EYS: variants seen among roughly 807,000 people sequenced by gnomAD.
EYS encodes protein eyes shut homolog.
A neutral mutation model predicts 282.1 loss-of-function variants in EYS; 250 were observed. The ratio of observed to expected loss-of-function variants is 0.89; its 90% CI spans 0.80 to 0.98. The LOEUF is 0.98. Among genes scored for constraint, EYS ranks in the 50% least tolerant of loss-of-function variants. The pLI is 0.00. For missense variants in EYS, 4,016 were observed against 3,709.0 expected (o/e 1.08, Z -2.15); for synonymous variants, 1,355 against 1,282.9 (o/e 1.06, Z -1.20).
intron 5 of EYS, among the ~76,000 whole-genome samples, chr6:65,473,703 C>T (rs1765298866): frequency 6.6e-6 from 1 of 151,666 alleles, no homozygotes; most frequent in African/African-American, 2.4e-5. Flanking sequence ...TTAGCTTCAG[C>T]AAAGTTAAAT....
intron 10 of EYS, among the ~76,000 whole-genome samples, chr6:65,340,565 C>T (rs552037804): frequency 6.6e-6 from 1 of 151,190 alleles, no homozygotes; most frequent in African/African-American, 2.4e-5. Flanking sequence ...ACAGTTTGCA[C>T]ATAAAGACTC....
At chr6:65,613,035 C>T (rs1419677464) in intron 2 of EYS, among the ~76,000 whole-genome samples, 2 of 151,712 alleles carry the variant, frequency 1.3e-5, no homozygotes, top group Admixed American at 6.6e-5. Flanking sequence ...TTTCTAACCA[C>T]CCCAGAAGTC....
chr6:64,766,649 A>AAAAAAAAAATAT (rs1387919586), intron 22 of EYS, among the ~76,000 whole-genome samples: 1 of 19,068 alleles, frequency 5.2e-5, no homozygotes, highest in African/African-American at 1.8e-4. Context: ...AAAAAAAAAA[A>AAAAAAAAAATAT]ATATATATAT....
At chr6:64,370,282 C>T (rs1054578171) in intron 29 of EYS, among the ~76,000 whole-genome samples, 6 of 151,828 alleles carry the variant, frequency 4.0e-5, no homozygotes, top group Non-Finnish European at 2.9e-5. Flanking sequence ...TTGTGATGTC[C>T]ATGTGGTTAT....
At chr6:65,646,287 G>A (rs969307055) in intron 1 of EYS, among the ~76,000 whole-genome samples, 3 of 151,952 alleles carry the variant, frequency 2.0e-5, no homozygotes, top group African/African-American at 4.8e-5. Flanking sequence ...CAAAATACTA[G>A]CTAATGAAAT....
intron 14 of EYS, among the ~76,000 whole-genome samples, chr6:64,971,972 G>A (rs1376590995): frequency 6.6e-6 from 1 of 151,988 alleles, no homozygotes; most frequent in Non-Finnish European, 1.5e-5. Flanking sequence ...GCCAATCCAG[G>A]AAATCATGAA....
chr6:64,404,421 G>A (rs541022150), intron 28 of EYS, among the ~76,000 whole-genome samples: 12 of 151,876 alleles, frequency 7.9e-5, no homozygotes, highest in East Asian at 3.9e-4. Flanking sequence ...GTGCACGCAC[G>A]CGTGTGAGCT....
chr6:65,445,262 A>T (rs750680122), intron 5 of EYS, among the ~76,000 whole-genome samples: 14 of 151,980 alleles, frequency 9.2e-5, no homozygotes, highest in South Asian at 4.1e-4. Flanking sequence ...GAAAATGATC[A>T]CTTTTATTAA....
chr6:65,262,258 A>T (rs759559489), intron 12 of EYS, among the ~76,000 whole-genome samples: 45 of 152,148 alleles, frequency 3.0e-4, no homozygotes, highest in Non-Finnish European at 5.3e-4. Context: ...GGTCATAATC[A>T]ATTTAATCAT....
intron 8 of EYS, among the ~76,000 whole-genome samples, chr6:65,381,166 C>T (rs925431191): frequency 7.2e-5 from 11 of 152,122 alleles, no homozygotes; most frequent in African/African-American, 2.2e-4. Flanking sequence ...AGCATGCACA[C>T]GTATGTTTAT....
chr6:64,085,885 T>C (rs1305916579), intron 31 of EYS, among the ~76,000 whole-genome samples: 1 of 152,240 alleles, frequency 6.6e-6, no homozygotes, highest in African/African-American at 2.4e-5. Flanking sequence ...CAAAGGTTAT[T>C]AAGGCCTTGT....
intron 2 of EYS, among the ~76,000 whole-genome samples, chr6:65,587,653 T>TA (rs761473385): frequency 4.6e-5 from 7 of 152,062 alleles, no homozygotes; most frequent in Admixed American, 2.0e-4. Context: ...AGAATGGACT[T>TA]ACACGAAAGG....
intron 12 of EYS, among the ~76,000 whole-genome samples, chr6:65,231,706 C>T (rs1485870914): frequency 6.6e-6 from 1 of 151,578 alleles, no homozygotes; most frequent in Non-Finnish European, 1.5e-5. Flanking sequence ...GATAGATATC[C>T]TCTTAGTGAA....
chr6:65,474,149 G>C (rs1310313100), intron 5 of EYS, among the ~76,000 whole-genome samples: 1 of 152,058 alleles, frequency 6.6e-6, no homozygotes, highest in South Asian at 2.1e-4. Flanking sequence ...TAGCAAAGCT[G>C]ATATAAGGTG....
At chr6:65,470,787 T>C (rs774440360) in intron 5 of EYS, among the ~76,000 whole-genome samples, 79 of 152,132 alleles carry the variant, frequency 5.2e-4, no homozygotes, top group Middle Eastern at 3.2e-3. Context: ...TTAAGTGTGA[T>C]ACCAAGAAGA....
At chr6:64,194,268 A>G (rs1317602514) in intron 31 of EYS, among the ~76,000 whole-genome samples, 1 of 145,114 alleles carries the variant, frequency 6.9e-6, no homozygotes, top group Non-Finnish European at 1.5e-5. Flanking sequence ...AGTCTTGTCT[A>G]TTCTGATATT....
intron 2 of EYS, among the ~76,000 whole-genome samples, chr6:65,502,607 A>T (rs2127278607): frequency 6.6e-6 from 1 of 151,630 alleles, no homozygotes; most frequent in African/African-American, 2.4e-5. Context: ...TTTTTACATT[A>T]TGTTCCCTTT....
At chr6:65,694,860 TTAA>T (rs1297132239) in intron 1 of EYS, among the ~76,000 whole-genome samples, 4 of 151,976 alleles carry the variant, frequency 2.6e-5, no homozygotes, top group African/African-American at 9.7e-5. Context: ...TTCAAAGTGT[TTAA>T]TAATCTCAAG....
chr6:65,555,427 C>T (rs79927953), intron 2 of EYS, among the ~76,000 whole-genome samples: 1 of 151,850 alleles, frequency 6.6e-6, no homozygotes, highest in Non-Finnish European at 1.5e-5. Flanking sequence ...TAGCCCTTTA[C>T]TTTATTTTTT....
Sources: allele counts gnomAD v4.1 joint callset (sites outside exome capture counted in the v4.1 genomes callset), GRCh38; gene constraint gnomAD v4.1.1; transcripts MANE v1.5; gene names NCBI Gene and HGNC (gene_info 2026-07-23, HGNC 2026-07-21).